Variants in BBS9 observed in about 807,000 individuals in gnomAD.
BBS9 encodes the protein Bardet-Biedl syndrome 9, also known as protein PTHB1.
A neutral mutation model predicts 117.7 loss-of-function variants in BBS9; 89 were observed. The observed-to-expected ratio is 0.76, with a 90% CI of 0.64 to 0.90. The LOEUF is 0.90. BBS9 is among the 40% of genes least tolerant of loss of function. The pLI, the probability that BBS9 is intolerant of heterozygous loss-of-function variation, is 0.00. For missense variants in BBS9, 982 were observed against 1,042.2 expected, an observed-to-expected ratio of 0.94 and a Z score of 0.80; for synonymous variants, 379 against 370.9, an observed-to-expected ratio of 1.02 and a Z score of -0.25.
At chr7:33,334,926 A>T (rs1814983553) in intron 9 of BBS9, among the ~76,000 whole-genome samples, 2 of 152,150 alleles carry the variant, frequency 1.3e-5, no homozygotes, top group South Asian at 4.1e-4. Flanking sequence ...CATGTCACTG[A>T]CTATGCCTGA....
At chr7:33,264,140 A>C (rs1363562419) in intron 6 of BBS9, 150 bp from the exon 7 acceptor site, 5 of 363,776 alleles carry the variant, frequency 1.4e-5, no homozygotes, top group Non-Finnish European at 2.4e-5. Flanking sequence ...ATCACTCAAT[A>C]AGAATTCAAT....
chr7:33,384,423 C>T lies in BBS9; in HGVS notation c.1962+585C>T, dbSNP rs1052355097. On this transcript the variant is annotated intron_variant, in intron 18 of 22. Coordinates refer to ENST00000242067, the MANE Select transcript of BBS9 (RefSeq NM_198428.3). Reference sequence around the variant, plus strand: ...GTGCCTTCAGAGCCTATGTTAGATTCTCTTGAGTATTTCAATGGTGACATG... The same window carrying T: ...GTGCCTTCAGAGCCTATGTTAGATTTTCTTGAGTATTTCAATGGTGACATG... 1.3e-4 allele frequency among the ~76,000 whole-genome samples: 20 copies of T among 152,148 alleles called. 1 individual carries two copies. The highest frequency in any genetic ancestry group is 1.3e-4 in the Non-Finnish European group (9 of 68,032).
At position 33,492,202 on chromosome 7, in the gene BBS9, C is replaced by CAAA; in HGVS notation, c.2116-13261_2116-13260insAAA. 4.9e-5 allele frequency among the ~76,000 whole-genome samples: 2 copies of CAAA among 41,104 alleles called. 1 individual carries two copies. Among genetic ancestry groups the CAAA allele is most frequent in the African/African-American group, 3.3e-4 (2 of 6,028 alleles). The allele number at this position is 41,104 out of a possible 152,430, so 27.0% of individuals were successfully genotyped here. ...TGGGTGACAAAGCAAGATTCCACCT[C>CAAA]GAAAAAAAAAACAAAAAAAAAACAA... On this transcript the variant is annotated intron_variant, in intron 19 of 22. Transcript: ENST00000242067.
chr7:33,198,427 G>GT (rs1164493437), intron 5 of BBS9, among the ~76,000 whole-genome samples: 12 of 151,924 alleles, frequency 7.9e-5, no homozygotes, highest in Non-Finnish European at 1.5e-4. Context: ...GGTACAAACT[G>GT]TTTTTAACAA....
chr7:33,132,231 G>A (rs186083470), intron 1 of BBS9, among the ~76,000 whole-genome samples: 1 of 152,332 alleles, frequency 6.6e-6, no homozygotes, highest in South Asian at 2.1e-4. Context: ...TTCTGGAGTA[G>A]ACAGTCTGGG....
At chr7:33,263,155 T>G (rs1798247287) in intron 6 of BBS9, among the ~76,000 whole-genome samples, 3 of 152,204 alleles carry the variant, frequency 2.0e-5, no homozygotes, top group Non-Finnish European at 4.4e-5. Flanking sequence ...TCACCTTCTA[T>G]GTCTTGGAAA....
intron 16 of BBS9, among the ~76,000 whole-genome samples, chr7:33,358,859 T>C (rs891463453): frequency 3.3e-5 from 5 of 152,088 alleles, no homozygotes; most frequent in Admixed American, 6.6e-5. Context: ...AAATTTATGG[T>C]AAGTCAACTT....
intron 9 of BBS9, among the ~76,000 whole-genome samples, chr7:33,325,273 G>A (rs913669791): frequency 1.4e-4 from 21 of 152,128 alleles, no homozygotes; most frequent in African/African-American, 5.1e-4. Flanking sequence ...GCACTCTGAT[G>A]CATTCTTCAT....
At chr7:33,550,915 A>G (rs2129091071) in intron 21 of BBS9, among the ~76,000 whole-genome samples, 1 of 152,226 alleles carries the variant, frequency 6.6e-6, no homozygotes, top group African/African-American at 2.4e-5. Context: ...AGAAATGCTT[A>G]ATTTTTTATT....
chr7:33,416,973 G>A (rs1832107709), intron 19 of BBS9, among the ~76,000 whole-genome samples: 1 of 151,998 alleles, frequency 6.6e-6, no homozygotes, highest in Non-Finnish European at 1.5e-5. Context: ...TATTTATTAG[G>A]GACCATAGGT....
chr7:33,390,854 A>C (rs1826946697), intron 19 of BBS9, among the ~76,000 whole-genome samples: 1 of 152,160 alleles, frequency 6.6e-6, no homozygotes, highest in South Asian at 2.1e-4. Context: ...GCTAAAGAAA[A>C]ACTCCATAAA....
chr7:33,572,794 TC>T (rs1434094361), intron 21 of BBS9, among the ~76,000 whole-genome samples: 1 of 152,074 alleles, frequency 6.6e-6, no homozygotes, highest in Non-Finnish European at 1.5e-5. Flanking sequence ...GGATTTTCTT[TC>T]TTTTTTTTGC....
chr7:33,516,540 G>A (rs147575261), intron 20 of BBS9, among the ~76,000 whole-genome samples: 49 of 139,782 alleles, frequency 3.5e-4, no homozygotes, highest in African/African-American at 1.1e-3. Flanking sequence ...TGTAAGCACA[G>A]AGTAAAGAAA....
intron 21 of BBS9, among the ~76,000 whole-genome samples, chr7:33,611,206 A>C (rs1382854848): frequency 6.6e-6 from 1 of 152,006 alleles, no homozygotes; most frequent in East Asian, 1.9e-4. Context: ...AGAGAAGTTC[A>C]TGATGTCACC....
chr7:33,522,459 T>C (rs539705598), intron 20 of BBS9, among the ~76,000 whole-genome samples: 2,383 of 151,846 alleles, frequency 0.016, 29 homozygotes, highest in Middle Eastern at 0.041. Context: ...TGAGATGGTA[T>C]CTCATTGTGG....
intron 13 of BBS9, 21 bp from the exon 14 acceptor site, chr7:33,351,195 ATAT>A (rs765637248): frequency 1.3e-6 from 2 of 1,482,292 alleles, no homozygotes; most frequent in Non-Finnish European, 1.9e-6. Flanking sequence ...TATGTAATTT[ATAT>A]TATTTTTACA....
chr7:33,608,573 C>T (rs904097301), downstream of BBS9, among the ~76,000 whole-genome samples: 1 of 152,090 alleles, frequency 6.6e-6, no homozygotes, highest in East Asian at 1.9e-4. Context: ...AATAGCCATT[C>T]TGACTGGTGT....
intron 5 of BBS9, among the ~76,000 whole-genome samples, chr7:33,209,008 A>G (rs1787504384): frequency 6.6e-6 from 1 of 152,232 alleles, no homozygotes; most frequent in Non-Finnish European, 1.5e-5. Context: ...ATTACTGACT[A>G]TAGTCATCCT....
chr7:33,537,778 A>G (rs1224135940), intron 21 of BBS9, among the ~76,000 whole-genome samples: 1 of 152,204 alleles, frequency 6.6e-6, no homozygotes, highest in African/African-American at 2.4e-5. Context: ...TATCTAGGGC[A>G]ATATTTCAAT....
Sources: allele counts gnomAD v4.1 joint callset (sites outside exome capture counted in the v4.1 genomes callset), GRCh38; gene constraint gnomAD v4.1.1; transcripts MANE v1.5; gene names NCBI Gene and HGNC (gene_info 2026-07-23, HGNC 2026-07-21).